QTGAL: variants seen among roughly 807,000 people sequenced by gnomAD.
The protein encoded by QTGAL is queuosine-tRNA galactosyltransferase.
the QTGAL span, among the ~76,000 whole-genome samples, chr17:82,970,632 C>CGACCTCCCCACCCAGCGTGGACGT: frequency 3.4e-5 from 1 of 29,830 alleles, no homozygotes; most frequent in African/African-American, 1.2e-4. Context: ...GGCGTGGCCG[C>CGACCTCCCCACCCAGCGTGGACGT]GACCTCCGCA....
chr17:83,048,566 T>A, the QTGAL span: 1 of 1,613,696 alleles, frequency 6.2e-7, no homozygotes, highest in South Asian at 1.1e-5. Context: ...AGCCCCAGAC[T>A]TGTCCTGAAA....
the QTGAL span, chr17:82,942,595 C>T: frequency 4.9e-6 from 6 of 1,227,296 alleles, no homozygotes; most frequent in Non-Finnish European, 5.9e-6. Flanking sequence ...TGGAGGCTGG[C>T]ACTAGCTGAC....
At chr17:83,043,642 A>G in the QTGAL span, among the ~76,000 whole-genome samples, 12 of 152,056 alleles carry the variant, frequency 7.9e-5, no homozygotes, top group African/African-American at 2.9e-4. Context: ...CACAGCTAGC[A>G]GAAGGAAGGA....
At chr17:82,991,331 C>T in the QTGAL span, among the ~76,000 whole-genome samples, 6 of 152,152 alleles carry the variant, frequency 3.9e-5, no homozygotes, top group Admixed American at 3.9e-4. Context: ...TGGGAGATAA[C>T]TGAATCATGA....
the QTGAL span, among the ~76,000 whole-genome samples, chr17:82,960,645 C>T: frequency 3.9e-4 from 60 of 152,308 alleles, 1 homozygote; most frequent in East Asian, 0.011. Context: ...GGCGCGTCCT[C>T]ACTGGGTGCT....
chr17:82,968,131 G>T, the QTGAL span, among the ~76,000 whole-genome samples: 1 of 152,056 alleles, frequency 6.6e-6, no homozygotes, highest in East Asian at 1.9e-4. Context: ...GCAAACACAC[G>T]TCCATCCGGC....
chr17:82,996,144 C>A, the QTGAL span, among the ~76,000 whole-genome samples: 3 of 152,224 alleles, frequency 2.0e-5, no homozygotes, highest in Non-Finnish European at 4.4e-5. Flanking sequence ...CGAAGAACGA[C>A]TATTGTTAAA....
At chr17:83,047,077 C>T in the QTGAL span, among the ~76,000 whole-genome samples, 13 of 152,188 alleles carry the variant, frequency 8.5e-5, no homozygotes, top group South Asian at 2.1e-4. Context: ...TGCGTGCCAC[C>T]GCAGAATACC....
chr17:83,017,687 T>C, the QTGAL span, among the ~76,000 whole-genome samples: 1 of 152,242 alleles, frequency 6.6e-6, no homozygotes, highest in Non-Finnish European at 1.5e-5. Context: ...ATGTTTGATG[T>C]GATGGATGGT....
chr17:83,019,077 C>A, the QTGAL span, among the ~76,000 whole-genome samples: 8 of 152,168 alleles, frequency 5.3e-5, no homozygotes, highest in Non-Finnish European at 7.3e-5. Context: ...ATGACGCCGC[C>A]GGAATGGAAG....
the QTGAL span, chr17:82,956,885 G>A: frequency 8.0e-7 from 1 of 1,245,488 alleles, no homozygotes; most frequent in East Asian, 2.5e-5. This position sits in a 1 kb window ranked among gnomAD's most constrained non-coding sequence, Gnocchi z 5.7. Context: ...GGCTTGGGCA[G>A]CAGATAACGT....
At chr17:82,951,853 T>C in the QTGAL span, among the ~76,000 whole-genome samples, 1 of 151,792 alleles carries the variant, frequency 6.6e-6, no homozygotes, top group Non-Finnish European at 1.5e-5. Flanking sequence ...ACATTCGCAT[T>C]TTATCAATCA....
At chr17:82,947,311 C>A in the QTGAL span, 1 of 340,970 alleles carries the variant, frequency 2.9e-6, no homozygotes, top group Non-Finnish European at 5.4e-6. Flanking sequence ...TTGACCAGGG[C>A]AGACCCACCT....
At chr17:83,001,951 A>G in the QTGAL span, among the ~76,000 whole-genome samples, 2 of 151,982 alleles carry the variant, frequency 1.3e-5, no homozygotes, top group African/African-American at 4.8e-5. Context: ...TCGTAGAGAC[A>G]GGGTCTCACT....
At chr17:83,008,482 G>A in the QTGAL span, among the ~76,000 whole-genome samples, 1 of 152,142 alleles carries the variant, frequency 6.6e-6, no homozygotes, top group African/African-American at 2.4e-5. Context: ...GGAGGTGTGA[G>A]GGGACACGGG....
the QTGAL span, among the ~76,000 whole-genome samples, chr17:82,968,079 G>A: frequency 3.0e-4 from 45 of 152,270 alleles, no homozygotes; most frequent in African/African-American, 1.1e-3. Flanking sequence ...AGACTTCCAC[G>A]CAGCCAGCCG....
the QTGAL span, among the ~76,000 whole-genome samples, chr17:82,993,566 T>C: frequency 6.6e-6 from 1 of 152,110 alleles, no homozygotes; most frequent in Non-Finnish European, 1.5e-5. Context: ...TTTTCAGCAC[T>C]GAACAGATTT....
the QTGAL span, chr17:82,948,893 G>C: frequency 1.3e-5 from 2 of 152,244 alleles, no homozygotes; most frequent in African/African-American, 4.8e-5. Flanking sequence ...ACAACCAGGA[G>C]TGATTGTCTT....
At chr17:82,961,776 G>T in the QTGAL span, among the ~76,000 whole-genome samples, 5 of 152,232 alleles carry the variant, frequency 3.3e-5, no homozygotes, top group Admixed American at 3.3e-4. Context: ...CCATGTCAGT[G>T]GGACTCTGCT....
Sources: gnomAD v4.1 joint callset for allele counts (sites outside exome capture counted in the v4.1 genomes callset) on GRCh38, gnomAD v4.1.1 for gene constraint, Gnocchi (gnomAD v3.1) non-coding constraint, MANE v1.5 for transcripts, NCBI Gene and HGNC (gene_info 2026-07-23, HGNC 2026-07-21) for gene names.